MACROD2: variants seen among roughly 807,000 people sequenced by gnomAD.
The protein encoded by MACROD2 is ADP-ribose glycohydrolase MACROD2.
Under a neutral mutation model 70.4 loss-of-function variants are expected in MACROD2, and 36 were observed. That is an observed-to-expected ratio of 0.51 (90% CI 0.39 to 0.68). The LOEUF is 0.68. Among genes scored for constraint, MACROD2 ranks in the 30% least tolerant of loss-of-function variants. MACROD2 has a pLI of 0.00. For synonymous variants in MACROD2, 172 were observed against 178.8 expected (o/e 0.96, Z 0.30); for missense variants, 496 against 538.4 (o/e 0.92, Z 0.78).
intron 4 of MACROD2, among the ~76,000 whole-genome samples, chr20:14,610,551 G>C (rs1983093446): frequency 6.6e-6 from 1 of 152,006 alleles, no homozygotes; most frequent in African/African-American, 2.4e-5. Context: ...TCTTTGAATG[G>C]TGAAAATAAA....
At chr20:15,468,673 T>C (rs2046927194) in intron 7 of MACROD2, among the ~76,000 whole-genome samples, 1 of 151,522 alleles carries the variant, frequency 6.6e-6, no homozygotes, top group Non-Finnish European at 1.5e-5. Flanking sequence ...GCTTCTTTTA[T>C]TTTTTCTATT....
At chr20:15,662,675 C>T (rs1233580883) in intron 8 of MACROD2, among the ~76,000 whole-genome samples, 1 of 149,854 alleles carries the variant, frequency 6.7e-6, no homozygotes, top group Non-Finnish European at 1.5e-5. Flanking sequence ...GATCAAAGAC[C>T]AAAGTCATGT....
chr20:14,390,612 T>G (rs1175822058), intron 3 of MACROD2, among the ~76,000 whole-genome samples: 2 of 152,150 alleles, frequency 1.3e-5, no homozygotes, highest in Admixed American at 1.3e-4. Context: ...TATCTGATCT[T>G]CTACAACCTG....
intron 8 of MACROD2, among the ~76,000 whole-genome samples, chr20:15,548,600 T>C (rs1218932144): frequency 6.6e-5 from 10 of 152,142 alleles, no homozygotes; most frequent in Non-Finnish European, 1.5e-5. Context: ...TTTATCATCT[T>C]GGCCAGGCTG....
At chr20:14,643,915 T>A (rs867345668) in intron 4 of MACROD2, among the ~76,000 whole-genome samples, 3 of 152,088 alleles carry the variant, frequency 2.0e-5, no homozygotes, top group Admixed American at 6.6e-5. Flanking sequence ...GAATTTTTTT[T>A]AAAAAACCCA....
intron 5 of MACROD2, among the ~76,000 whole-genome samples, chr20:14,909,554 G>A (rs1214433879): frequency 1.3e-5 from 2 of 151,940 alleles, no homozygotes; most frequent in African/African-American, 4.8e-5. Context: ...CAAGAGCCAA[G>A]CAGAGGGAAC....
At chr20:14,736,477 A>G (rs961924296) in intron 5 of MACROD2, among the ~76,000 whole-genome samples, 3 of 152,186 alleles carry the variant, frequency 2.0e-5, no homozygotes, top group African/African-American at 7.2e-5. Context: ...AAGTTTAAAT[A>G]TTAAAAAACC....
At chr20:15,743,078 C>G (rs889698597) in intron 8 of MACROD2, among the ~76,000 whole-genome samples, 7 of 152,154 alleles carry the variant, frequency 4.6e-5, no homozygotes, top group African/African-American at 1.7e-4. Flanking sequence ...CGGCCTCAAC[C>G]ACCACCAAGT....
chr20:14,196,933 C>T (rs1214515591), intron 3 of MACROD2, among the ~76,000 whole-genome samples: 2 of 152,218 alleles, frequency 1.3e-5, no homozygotes, highest in Non-Finnish European at 2.9e-5. Flanking sequence ...GCCCAATTAT[C>T]AGATGCTCTC....
intron 5 of MACROD2, among the ~76,000 whole-genome samples, chr20:15,082,895 T>C (rs2075716312): frequency 6.6e-6 from 1 of 152,116 alleles, no homozygotes; most frequent in Non-Finnish European, 1.5e-5. Context: ...AAATAAGTTT[T>C]TGTGGTTATA....
intron 5 of MACROD2, among the ~76,000 whole-genome samples, chr20:14,795,295 A>G (rs2072497439): frequency 6.6e-6 from 1 of 152,122 alleles, no homozygotes; most frequent in South Asian, 2.1e-4. Context: ...AGAGGTTAGA[A>G]TAGAAACAGA....
chr20:15,061,872 T>C (rs2075535525), intron 5 of MACROD2, among the ~76,000 whole-genome samples: 2 of 152,180 alleles, frequency 1.3e-5, no homozygotes, highest in Admixed American at 6.5e-5. Context: ...TGTCTCTCTC[T>C]TTCTAAGCCC....
At chr20:15,012,049 T>A (rs1158919391) in intron 5 of MACROD2, among the ~76,000 whole-genome samples, 1 of 152,218 alleles carries the variant, frequency 6.6e-6, no homozygotes, top group Non-Finnish European at 1.5e-5. Context: ...TATGTGATAG[T>A]AAATTCCTTT....
At chr20:15,629,206 A>G (rs188287023) in intron 8 of MACROD2, among the ~76,000 whole-genome samples, 218 of 152,300 alleles carry the variant, frequency 1.4e-3, no homozygotes, top group African/African-American at 5.1e-3. Context: ...TGTTTTTACA[A>G]ATTTGCACTC....
Position 14,466,006 on chromosome 20 carries a change from T to A in MACROD2, c.272-27473T>A, listed in dbSNP as rs112367092. On this transcript the variant is annotated intron_variant, in intron 3 of 17. Transcript: ENST00000684519. ...TCAACTTTGGTGAATCTGACAATTATGTGTCTTGGAGTTGCTCTTCTCGAG... is the reference window on the plus strand; with the variant it reads ...TCAACTTTGGTGAATCTGACAATTAAGTGTCTTGGAGTTGCTCTTCTCGAG... 3.4e-4 allele frequency among the ~76,000 whole-genome samples: 51 copies of A among 152,196 alleles called. 1 individual carries two copies. The highest frequency in any genetic ancestry group is 1.2e-3 in the African/African-American group (49 of 41,468).
intron 8 of MACROD2, among the ~76,000 whole-genome samples, chr20:15,534,546 T>C (rs916796729): frequency 1.3e-5 from 2 of 151,562 alleles, no homozygotes; most frequent in Non-Finnish European, 2.9e-5. Flanking sequence ...TAATTTATGC[T>C]TTTTTTTTCT....
At chr20:15,941,670 G>A (rs2065753105) in intron 12 of MACROD2, among the ~76,000 whole-genome samples, 1 of 152,186 alleles carries the variant, frequency 6.6e-6, no homozygotes, top group African/African-American at 2.4e-5. Context: ...ATTGCTTATA[G>A]AAATGCTCAT....
chr20:14,635,389 C>A (rs1355402197), intron 4 of MACROD2, among the ~76,000 whole-genome samples: 1 of 152,128 alleles, frequency 6.6e-6, no homozygotes, highest in South Asian at 2.1e-4. Context: ...CACTAAAATG[C>A]TCCATTTTCC....
At chr20:14,182,608 A>G (rs1478074409) in intron 3 of MACROD2, among the ~76,000 whole-genome samples, 2 of 152,182 alleles carry the variant, frequency 1.3e-5, no homozygotes, top group Non-Finnish European at 2.9e-5. Context: ...TATAGCATAT[A>G]AATGTAGTGT....
Sources: allele counts gnomAD v4.1 joint callset (sites outside exome capture counted in the v4.1 genomes callset), GRCh38; gene constraint gnomAD v4.1.1; transcripts MANE v1.5; gene names NCBI Gene and HGNC (gene_info 2026-07-23, HGNC 2026-07-21).